The following CEP295 variants were observed in gnomAD, a reference collection of about 807,000 sequenced individuals.
CEP295 encodes centrosomal protein of 295 kDa.
Under a neutral mutation model 291.6 loss-of-function variants are expected in CEP295, and 190 were observed. That is an observed-to-expected ratio of 0.65 (90% CI 0.58 to 0.73). The LOEUF is 0.73. Ranked by LOEUF, CEP295 falls within the 30% of genes least tolerant of loss-of-function variation. The probability of loss-of-function intolerance (pLI) is 0.00; values close to 1 mark genes in which losing one functional copy is unlikely to be tolerated. For synonymous variants in CEP295, 993 were observed against 1,038.8 expected (o/e 0.96, Z 0.85); for missense variants, 2,863 against 2,949.4 (o/e 0.97, Z 0.68).
intron 1 of CEP295, among the ~76,000 whole-genome samples, chr11:93,664,593 C>T (rs1413707555): frequency 6.6e-6 from 1 of 152,184 alleles, no homozygotes; most frequent in Non-Finnish European, 1.5e-5. Flanking sequence ...TGTAGCACTT[C>T]ACATAAATTA....
rs1479379808 is a variant in CEP295 at position 93,698,968 on chromosome 11, G to A, written c.4056G>A (p.Lys1352=). 6.4e-7 allele frequency: 1 copy of A among 1,550,904 alleles called. No homozygotes were observed. Among genetic ancestry groups the A allele is most frequent in the Admixed American group, 2.0e-5 (1 of 50,984 alleles). ...QLIQPQQDNL[K]ALQEQLATQR... ...TCCAGCCTCAACAAGATAATTTGAA[G>A]GCACTTCAAGAACAGTTAGCTACAC... Residue 1352 remains lysine (K), a synonymous_variant, in exon 15 of 30, where the codon AAG becomes AAA. Transcript: ENST00000325212.
chr11:93,676,448 C>T lies in CEP295; in HGVS notation c.624+782C>T, dbSNP rs115754672. On this transcript the variant is annotated intron_variant, in intron 6 of 29. Transcript: ENST00000325212. ...TTTTTTTCATGTTGAATATATTTCTCTACTAGGAAAATAAATTTTATAGCA... is the reference window on the plus strand; with the variant it reads ...TTTTTTTCATGTTGAATATATTTCTTTACTAGGAAAATAAATTTTATAGCA... 8.1e-3 allele frequency among the ~76,000 whole-genome samples: 1,227 copies of T among 151,844 alleles called. 18 individuals are homozygous for T. The highest frequency in any genetic ancestry group is 0.027 in the African/African-American group (1,124 of 41,444).
At position 93,702,655 on chromosome 11, in the gene CEP295, G is replaced by T; in HGVS notation, c.5452+18G>T. On this transcript the variant is annotated intron_variant, in intron 16 of 29. Transcript: ENST00000325212. ...GCAAAGTGGTAAGATAATTGTGTTTGATTGTAATTATTTCACTGATTATTC... is the reference window on the plus strand; with the variant it reads ...GCAAAGTGGTAAGATAATTGTGTTTTATTGTAATTATTTCACTGATTATTC... 1 of 1,534,398 alleles carries T rather than the reference G, an allele frequency of 6.5e-7. No homozygotes were observed. Among genetic ancestry groups the T allele is most frequent in the Non-Finnish European group, 8.8e-7 (1 of 1,138,532 alleles).
rs1405178986 is a variant in CEP295, at chr11:93,723,264, G to C, written c.6171G>C (p.Leu2057Phe). ...MIDKYINEAN[L>F]IPEKTDLQEL... ...ACAAGTACATTAATGAAGCAAATTT[G>C]ATACCTGAAAAAACAGATTTGCAAG... The change falls in exon 21 of 30, where the codon TTG becomes TTC. Residue 2057 changes from leucine to phenylalanine, a missense_variant. Around this residue, in one of 3 missense-constraint regions of CEP295, gnomAD observed 2,295 missense variants for 2,335.7 expected, o/e 0.98. Coordinates refer to ENST00000325212, the MANE Select transcript of CEP295 (RefSeq NM_033395.2). 17 of 1,523,086 alleles carry C rather than the reference G, an allele frequency of 1.1e-5. No homozygotes were observed. Among genetic ancestry groups the C allele is most frequent in the Non-Finnish European group, 1.5e-5 (17 of 1,131,590 alleles). 94.3% of individuals were successfully genotyped at this position (1,523,086 alleles called of 1,614,324 possible).
chr11:93,724,354 A>T lies in CEP295; in HGVS notation c.6297A>T (p.Pro2099=), dbSNP rs1345536328. 6.5e-7 allele frequency: 1 copy of T among 1,550,216 alleles called. No homozygotes were observed. ...DLSSSSSGIS[P]DNRDFYQRSD... ...CATCATCATCCTCTGGGATTTCTCC[A>T]GACAACAGAGACTTTTACCAGGTAT... The change falls in exon 22 of 30, where the codon CCA becomes CCT. Residue 2099 remains proline, a synonymous_variant. Coordinates refer to ENST00000325212, the MANE Select transcript of CEP295 (RefSeq NM_033395.2).
intron 1 of CEP295, among the ~76,000 whole-genome samples, chr11:93,662,851 A>C (rs1950048288): frequency 1.3e-5 from 2 of 152,210 alleles, no homozygotes; most frequent in Non-Finnish European, 2.9e-5. Flanking sequence ...AACCTGGTGG[A>C]CATCATCTTA....
At chr11:93,715,256 G>T (rs1338934206) in intron 18 of CEP295, among the ~76,000 whole-genome samples, 2 of 152,010 alleles carry the variant, frequency 1.3e-5, no homozygotes, top group Non-Finnish European at 2.9e-5. Context: ...CTCTCCCCTT[G>T]TCCACCACCA....
At chr11:93,714,723 A>G (rs1316668953) in intron 18 of CEP295, among the ~76,000 whole-genome samples, 2 of 152,232 alleles carry the variant, frequency 1.3e-5, no homozygotes, top group Non-Finnish European at 2.9e-5. Flanking sequence ...TAGTTCTTGC[A>G]GACTCATAGA....
Position 93,706,844 on chromosome 11 carries a change from G to A in CEP295, c.5696G>A (p.Cys1899Tyr), listed in dbSNP as rs1316975076. 1 of 1,548,732 alleles carries A rather than the reference G, an allele frequency of 6.5e-7. No homozygotes were observed. Among genetic ancestry groups the A allele is most frequent in the Admixed American group, 2.0e-5 (1 of 50,350 alleles). The change falls in exon 18 of 30, where the codon TGT becomes TAT. Residue 1899 changes from cysteine (C) to tyrosine (Y), a missense_variant. Cys to Tyr is a radical substitution (Grantham distance 194). This residue lies in a region of CEP295 where 2,295 missense variants were observed against 2,335.7 expected (regional missense o/e 0.98). Transcript: ENST00000325212. ...GSPLAHDPFS[C>Y]LQLVGQENVC... is the part of the protein sequence containing the mutation. ...CCACTGGCCCATGATCCGTTTAGTT[G>A]TCTTCAACTGGTTGGCCAAGAGAAT... is the stretch of plus-strand genomic sequence containing the variant.
At chr11:93,729,359 C>T (rs1044465964) in intron 25 of CEP295, 75 bp from the exon 26 acceptor site, 8 of 1,017,086 alleles carry the variant, frequency 7.9e-6, no homozygotes, top group African/African-American at 7.8e-5. Flanking sequence ...TGCCGCTGCA[C>T]TCTAATCTGA....
At chr11:93,668,152 C>T (rs1173027731) in intron 3 of CEP295, among the ~76,000 whole-genome samples, 1 of 151,944 alleles carries the variant, frequency 6.6e-6, no homozygotes, top group Non-Finnish European at 1.5e-5. Context: ...TGAATTCAAC[C>T]CCCCAACAAA....
At position 93,712,220 on chromosome 11, in the gene CEP295, C is replaced by T. The variant is rs7937088; in HGVS notation, c.5749+5323C>T. ...TATATAATGACCTGCTTTTTTTTTT[C>T]CTATGGTTTTTGTCTTGAAATTTTA... is the stretch of plus-strand genomic sequence containing the variant. On this transcript the variant is annotated intron_variant, in intron 18 of 29. Coordinates refer to ENST00000325212, the MANE Select transcript of CEP295 (RefSeq NM_033395.2). 8.1e-3 allele frequency among the ~76,000 whole-genome samples: 1,202 copies of T among 148,462 alleles called. 18 individuals are homozygous for T. The highest frequency in any genetic ancestry group is 0.053 in the East Asian group (268 of 5,102).
At chr11:93,671,315 C>T (rs118145277) in intron 5 of CEP295, among the ~76,000 whole-genome samples, 3,002 of 152,068 alleles carry the variant, frequency 0.02, 63 homozygotes, top group Middle Eastern at 0.024. Flanking sequence ...TTGTTACTAT[C>T]ACTGTTAACT....
rs909082920 is a variant in CEP295, at chr11:93,698,286, A to G, written c.3374A>G (p.Glu1125Gly). 1 of 1,551,752 alleles carries G rather than the reference A, an allele frequency of 6.4e-7. No individual in the cohort carries two copies. Residue 1125 changes from glutamate (E) to glycine (G), a missense_variant, in exon 15 of 30, where the codon GAG becomes GGG. Physicochemically the swap from Glu to Gly is moderately conservative, Grantham distance 98. Coordinates refer to ENST00000325212, the MANE Select transcript of CEP295 (RefSeq NM_033395.2). Reference sequence around the variant, plus strand: ...AAAGCTGAGCCTAGGAGAATTCAGGAGCTTTATTTATCTGAGAAGGAGAAT... The same window carrying G: ...AAAGCTGAGCCTAGGAGAATTCAGGGGCTTTATTTATCTGAGAAGGAGAAT... ...SAKAEPRRIQ[E>G]LYLSEKENVG...
intron 10 of CEP295, among the ~76,000 whole-genome samples, chr11:93,688,550 C>T (rs1450985686): frequency 7.4e-6 from 1 of 135,156 alleles, no homozygotes; most frequent in Non-Finnish European, 1.6e-5. Context: ...TATTTTCTTC[C>T]CTTGGCCCCT....
At chr11:93,703,119 A>G (rs960198606) in intron 17 of CEP295, among the ~76,000 whole-genome samples, 200 bp downstream of exon 17, 3 of 152,004 alleles carry the variant, frequency 2.0e-5, no homozygotes, top group African/African-American at 4.8e-5. Flanking sequence ...GCCCGCCACC[A>G]CACCCAGCTA....
In CEP295 at chr11:93,721,357, A is replaced by G; in HGVS notation, c.5795A>G (p.Tyr1932Cys). ...SVVENHAVLS[Y>C]AVEEEHAYLG... The stretch of plus-strand genomic sequence containing the variant: ...GTTGAAAATCATGCAGTGTTAAGTT[A>G]TGCTGTGGAGGAAGAACATGCATAT... The change falls in exon 19 of 30, where the codon TAT becomes TGT. Residue 1932 changes from tyrosine (Y) to cysteine (C), a missense_variant. Physicochemically the swap from Tyr to Cys is radical, Grantham distance 194. Coordinates refer to ENST00000325212, the MANE Select transcript of CEP295 (RefSeq NM_033395.2). The G allele has an allele frequency of 7.7e-6, 12 of 1,562,368 alleles. No individual in the cohort carries two copies. Among genetic ancestry groups the G allele is most frequent in the Non-Finnish European group, 1.0e-5 (12 of 1,151,406 alleles).
At chr11:93,727,664 A>G (rs1175373953) in intron 24 of CEP295, 27 bp downstream of exon 24, 1 of 1,471,228 alleles carries the variant, frequency 6.8e-7, no homozygotes, top group Non-Finnish European at 9.0e-7. Flanking sequence ...TTGTATAAAT[A>G]ACATTTAAAT....
intron 7 of CEP295, among the ~76,000 whole-genome samples, chr11:93,681,433 T>TTTG (rs1950957889): frequency 1.4e-5 from 2 of 140,314 alleles, no homozygotes; most frequent in Non-Finnish European, 3.1e-5. Flanking sequence ...TTTTTTTTTT[T>TTTG]GTGACAGAGT....
Sources: allele counts gnomAD v4.1 joint callset (sites outside exome capture counted in the v4.1 genomes callset), GRCh38; gene constraint gnomAD v4.1.1; regional missense constraint gnomAD v4.1.1; transcripts MANE v1.5; gene names NCBI Gene and HGNC (gene_info 2026-07-23, HGNC 2026-07-21).